The following ADIPOR2 variants were observed in gnomAD, a reference collection of about 807,000 sequenced individuals.
The protein encoded by ADIPOR2 is adiponectin receptor 2, also known as adiponectin receptor protein 2.
In ADIPOR2, 18 loss-of-function variants were observed where a neutral mutation model predicts 40.9. The observed-to-expected ratio is 0.44, with a 90% confidence interval of 0.30 to 0.65. ADIPOR2 has a LOEUF of 0.65. Ranked by LOEUF, ADIPOR2 falls within the 30% of genes least tolerant of loss-of-function variation. The pLI, the probability that ADIPOR2 is intolerant of heterozygous loss-of-function variation, is 0.09. For missense variants in ADIPOR2, 283 were observed against 479.2 expected (o/e 0.59, Z 3.82); for synonymous variants, 165 against 166.4 (o/e 0.99, Z 0.06).
chr12:1,723,834 C>G (rs2094702655), intron 1 of ADIPOR2, among the ~76,000 whole-genome samples: 1 of 152,090 alleles, frequency 6.6e-6, no homozygotes, highest in Admixed American at 6.6e-5. Context: ...GGTATATACT[C>G]AAAAGAACTG....
Position 1,738,312 on chromosome 12 carries a change from TTGAGGCTGCAGTATGAGCTG to T in ADIPOR2, c.-86-15942_-86-15923del, listed in dbSNP as rs1435910666. 3.4e-3 allele frequency among the ~76,000 whole-genome samples: 509 copies of T among 151,874 alleles called. 3 individuals are homozygous for T. Among genetic ancestry groups the T allele is most frequent in the African/African-American group, 0.011 (467 of 41,404 alleles). On this transcript the variant is annotated intron_variant, in intron 1 of 7. Coordinates refer to ENST00000357103, the MANE Select transcript of ADIPOR2 (RefSeq NM_024551.3). ...GGGAGGATCACTTGAATCTGGGAAA[TTGAGGCTGCAGTATGAGCTG>T]TGATTGCACTACTGTGCCCAGCTTG...
In ADIPOR2 at chr12:1,770,989, A is replaced by G. The variant is rs138027447; in HGVS notation, c.172-1853A>G. Among the ~76,000 whole-genome samples, 833 of 152,294 alleles carry G rather than the reference A, an allele frequency of 5.5e-3. 6 individuals are homozygous for G. Among genetic ancestry groups the G allele is most frequent in the African/African-American group, 0.019 (789 of 41,564 alleles). ...TAGGGCCACAGTACATAGATAGTATATCTGTGTTATTAAAATTCATGGGGA... is the reference window on the plus strand; with the variant it reads ...TAGGGCCACAGTACATAGATAGTATGTCTGTGTTATTAAAATTCATGGGGA... On this transcript the variant is annotated intron_variant, in intron 2 of 7. Coordinates refer to ENST00000357103, the MANE Select transcript of ADIPOR2 (RefSeq NM_024551.3).
Position 1,787,795 on chromosome 12 carries a change from C to T in ADIPOR2, c.*1723C>T, listed in dbSNP as rs1862869672. 1 of 152,220 alleles carries T rather than the reference C, an allele frequency of 6.6e-6. No homozygotes were observed. The highest frequency in any genetic ancestry group is 1.5e-5 in the Non-Finnish European group (1 of 68,052). 9.4% of individuals were successfully genotyped at this position (152,220 alleles called of 1,614,324 possible). On this transcript the variant is annotated 3_prime_UTR_variant, in exon 8 of 8. Coordinates refer to ENST00000357103, the MANE Select transcript of ADIPOR2 (RefSeq NM_024551.3). ...TTTCTCAGTTATTTTCCTCCCTTGCCCTTGCAATCTCCAGCAAAAGGTGGG... is the reference window on the plus strand; with the variant it reads ...TTTCTCAGTTATTTTCCTCCCTTGCTCTTGCAATCTCCAGCAAAAGGTGGG...
rs730031 is a variant in ADIPOR2 at position 1,786,042 on chromosome 12, C to T, written c.1131C>T (p.Gly377=). 1,818 of 1,613,982 alleles carry T rather than the reference C, an allele frequency of 1.1e-3. 20 individuals are homozygous for T. The African/African-American group carries it at 0.022, about 19-fold the overall frequency. Residue 377 remains glycine, a synonymous_variant, in exon 8 of 8, where the codon GGC becomes GGT. Transcript: ENST00000357103. ...SNLQEFRFMI[G]GGCSEEDAL is the part of the protein sequence containing the mutation. ...TCCAGGAGTTTCGTTTCATGATCGG[C>T]GGGGGCTGCAGTGAAGAGGATGCAC...
At chr12:1,696,398 C>CT (rs61474948) in intron 1 of ADIPOR2, 28,884 of 141,516 alleles carry the variant, frequency 0.2, 3,216 homozygotes, top group African/African-American at 0.28. Flanking sequence ...TTTTTTCCTT[C>CT]TTTTTTTTTT....
At chr12:1,747,131 A>C (rs2094757252) in intron 1 of ADIPOR2, among the ~76,000 whole-genome samples, 1 of 152,012 alleles carries the variant, frequency 6.6e-6, no homozygotes, top group Non-Finnish European at 1.5e-5. Context: ...AGTTGGGCCT[A>C]ATAGGCATGT....
intron 1 of ADIPOR2, among the ~76,000 whole-genome samples, chr12:1,741,435 G>A (rs2094742703): frequency 6.6e-6 from 1 of 152,136 alleles, no homozygotes; most frequent in African/African-American, 2.4e-5. Flanking sequence ...TTAAGTATGG[G>A]GGCTTAGGAA....
intron 2 of ADIPOR2, chr12:1,757,697 C>T: frequency 3.0e-6 from 4 of 1,317,920 alleles, no homozygotes; most frequent in Admixed American, 1.7e-5. Context: ...GCAAAGCGAC[C>T]CTTGGTGTCA....
At position 1,719,680 on chromosome 12, in the gene ADIPOR2, C is replaced by CTT. The variant is rs575664850; in HGVS notation, c.-87+28502_-87+28503dup. Among the ~76,000 whole-genome samples, 46 of 142,572 alleles carry CTT rather than the reference C, an allele frequency of 3.2e-4. No individual in the cohort carries two copies. In the East Asian group the frequency reaches 5.9e-3, roughly 18 times the overall value. 93.5% of individuals were successfully genotyped at this position (142,572 alleles called of 152,430 possible). A position where few individuals can be genotyped will look rare whatever the true frequency, so the allele number is the denominator to read the frequency against. The stretch of plus-strand genomic sequence containing the variant: ...AGCAGAAGTTTTTTTTTGTTTTCAT[C>CTT]TTTTTTTTTTTTTTGGAGATAGTCT... On this transcript the variant is annotated intron_variant, in intron 1 of 7. Coordinates refer to ENST00000357103, the MANE Select transcript of ADIPOR2 (RefSeq NM_024551.3).
At chr12:1,750,850 T>G (rs773962547) in intron 1 of ADIPOR2, among the ~76,000 whole-genome samples, 4 of 152,118 alleles carry the variant, frequency 2.6e-5, no homozygotes, top group Admixed American at 6.6e-5. Flanking sequence ...TCTCCTGGAT[T>G]TTATAGATAA....
In ADIPOR2 at chr12:1,784,013, AGCTGCCCTGTAT is replaced by A; in HGVS notation, c.980_991del (p.Leu327_Ala330del). The A allele has an allele frequency of 6.2e-7, 1 of 1,613,190 alleles. No individual in the cohort carries two copies. Among genetic ancestry groups the A allele is most frequent in the Non-Finnish European group, 8.5e-7 (1 of 1,179,552 alleles). The stretch of plus-strand genomic sequence containing the variant: ...TGATGGCCAGCCTCTACATCACAGG[AGCTGCCCTGTAT>A]GCTGCCCGGATCCCCGAACGCTTTT... On this transcript the variant is annotated inframe_deletion, in exon 7 of 8. Transcript: ENST00000357103.
intron 2 of ADIPOR2, among the ~76,000 whole-genome samples, chr12:1,756,032 C>T (rs1299987637): frequency 6.6e-6 from 1 of 152,042 alleles, no homozygotes; most frequent in Non-Finnish European, 1.5e-5. Flanking sequence ...CAAGCTAGTG[C>T]CAAGGTCCAA....
rs569127430 is a variant in ADIPOR2, at chr12:1,721,242, G to A, written c.-87+30051G>A. Reference sequence around the variant, plus strand: ...TTTTTTTTTTTTTTTTTTTGAGGTGGAGTCTCACTGTCATCCAGGCTGGAG... The same window carrying A: ...TTTTTTTTTTTTTTTTTTTGAGGTGAAGTCTCACTGTCATCCAGGCTGGAG... On this transcript the variant is annotated intron_variant, in intron 1 of 7. Transcript: ENST00000357103. Among the ~76,000 whole-genome samples, 48 of 115,222 alleles carry A rather than the reference G, an allele frequency of 4.2e-4. No individual in the cohort carries two copies. In the South Asian group the frequency reaches 0.014, roughly 33 times the overall value. The allele number at this position is 115,222 out of a possible 152,430, so 75.6% of individuals were successfully genotyped here.
In ADIPOR2 at chr12:1,783,965, A is replaced by C; in HGVS notation, c.924A>C (p.Ile308=). The C allele has an allele frequency of 3.1e-6, 5 of 1,613,860 alleles. No individual in the cohort carries two copies. Among genetic ancestry groups the C allele is most frequent in the Non-Finnish European group, 3.4e-6 (4 of 1,179,870 alleles). Residue 308 remains isoleucine (I), a synonymous_variant, in exon 7 of 8, where the codon ATA becomes ATC. Transcript: ENST00000357103. ...AGGGGTTCCTTAAGGCCGCCACCAT[A>C]GGGCAGATAGGCTGGTTGATGCTGA... ...ISEGFLKAAT[I]GQIGWLMLMA... is the part of the protein sequence containing the mutation.
chr12:1,716,189 T>C (rs961130867), intron 1 of ADIPOR2, among the ~76,000 whole-genome samples: 2 of 152,212 alleles, frequency 1.3e-5, no homozygotes, highest in Admixed American at 1.3e-4. Flanking sequence ...TTTGACGACT[T>C]TACTATGTGC....
chr12:1,756,682 T>C (rs1862140253), intron 2 of ADIPOR2, among the ~76,000 whole-genome samples: 1 of 151,956 alleles, frequency 6.6e-6, no homozygotes, highest in South Asian at 2.1e-4. Context: ...ATGACTCTGG[T>C]TGTGGAATGG....
intron 1 of ADIPOR2, among the ~76,000 whole-genome samples, chr12:1,723,226 T>C (rs1233462071): frequency 6.6e-6 from 1 of 152,182 alleles, no homozygotes; most frequent in Non-Finnish European, 1.5e-5. Flanking sequence ...ACATGGATCA[T>C]GTTTAATTGA....
intron 1 of ADIPOR2, among the ~76,000 whole-genome samples, chr12:1,731,231 T>C (rs2094719569): frequency 6.6e-6 from 1 of 152,154 alleles, no homozygotes; most frequent in Admixed American, 6.5e-5. Context: ...GCTGATGTTT[T>C]GTAGAGGCGG....
intron 1 of ADIPOR2, among the ~76,000 whole-genome samples, chr12:1,728,862 C>G (rs573116118): frequency 1.3e-5 from 2 of 151,698 alleles, no homozygotes; most frequent in South Asian, 4.2e-4. Flanking sequence ...TATTGATAGT[C>G]TGGTCTTTCC....
Sources: allele counts gnomAD v4.1 joint callset (sites outside exome capture counted in the v4.1 genomes callset), GRCh38; gene constraint gnomAD v4.1.1; transcripts MANE v1.5; gene names NCBI Gene and HGNC (gene_info 2026-07-23, HGNC 2026-07-21).